PPP1R9A: variants seen among roughly 807,000 people sequenced by gnomAD.
The protein encoded by PPP1R9A is neurabin-1.
A neutral mutation model predicts 141.9 loss-of-function variants in PPP1R9A; 59 were observed. That is an observed-to-expected ratio of 0.42 (90% CI 0.34 to 0.52). The LOEUF (loss-of-function observed/expected upper bound fraction) is 0.52. Among genes scored for constraint, PPP1R9A ranks in the 20% least tolerant of loss-of-function variants. The probability of loss-of-function intolerance (pLI) is 0.10; values close to 1 mark genes in which losing one functional copy is unlikely to be tolerated. For missense variants in PPP1R9A, 1,444 were observed against 1,611.9 expected (o/e 0.90, Z 1.78); for synonymous variants, 500 against 569.7 (o/e 0.88, Z 1.74).
At chr7:95,237,175 A>G (rs1796806010) in intron 8 of PPP1R9A, among the ~76,000 whole-genome samples, 1 of 137,556 alleles carries the variant, frequency 7.3e-6, no homozygotes, top group African/African-American at 2.9e-5. Context: ...GTATATATAT[A>G]TATATTTTTT....
At chr7:95,215,563 G>A (rs1196807859) in intron 7 of PPP1R9A, among the ~76,000 whole-genome samples, 2 of 152,106 alleles carry the variant, frequency 1.3e-5, no homozygotes, top group African/African-American at 4.8e-5. Flanking sequence ...TTCCACAATG[G>A]TTGAACTAGT....
chr7:95,053,970 A>G (rs1811149203), intron 2 of PPP1R9A, among the ~76,000 whole-genome samples: 3 of 152,240 alleles, frequency 2.0e-5, no homozygotes, highest in Admixed American at 2.0e-4. Context: ...GTTTAGCCTA[A>G]AAAGAAAGAA....
chr7:95,242,671 T>G (rs1585421355), intron 8 of PPP1R9A, among the ~76,000 whole-genome samples: 1 of 152,164 alleles, frequency 6.6e-6, no homozygotes, highest in South Asian at 2.1e-4. Context: ...AATGTGTATG[T>G]TTATTTGTGC....
At chr7:95,066,488 G>A (rs1306560829) in intron 2 of PPP1R9A, among the ~76,000 whole-genome samples, 1 of 152,130 alleles carries the variant, frequency 6.6e-6, no homozygotes, top group African/African-American at 2.4e-5. Context: ...AATGTAGGAA[G>A]GAGAAGTAAA....
chr7:95,003,100 C>CT (rs1269587692), intron 2 of PPP1R9A, among the ~76,000 whole-genome samples: 1 of 151,946 alleles, frequency 6.6e-6, no homozygotes, highest in Non-Finnish European at 1.5e-5. Context: ...TAAAAAAAAG[C>CT]TTTTTAAAAA....
chr7:94,992,859 A>G (rs1801690674), intron 2 of PPP1R9A, among the ~76,000 whole-genome samples: 1 of 152,112 alleles, frequency 6.6e-6, no homozygotes, highest in Non-Finnish European at 1.5e-5. Flanking sequence ...TATTCTGAAT[A>G]TAAGTAATAT....
At chr7:95,101,685 C>T (rs978693213) in intron 2 of PPP1R9A, among the ~76,000 whole-genome samples, 1 of 152,112 alleles carries the variant, frequency 6.6e-6, no homozygotes, top group African/African-American at 2.4e-5. Flanking sequence ...TACTGCTTAG[C>T]GGCACTAACA....
At chr7:95,267,763 G>T (rs1286382227) in intron 12 of PPP1R9A, among the ~76,000 whole-genome samples, 1 of 151,990 alleles carries the variant, frequency 6.6e-6, no homozygotes, top group East Asian at 1.9e-4. Flanking sequence ...GGGAGAGAAG[G>T]TATTCACAGA....
intron 7 of PPP1R9A, chr7:95,214,294 G>T (rs1050670008): frequency 6.6e-6 from 1 of 152,194 alleles, no homozygotes; most frequent in Non-Finnish European, 1.5e-5. Context: ...ACTGGGAGAG[G>T]ATCTGCGTCC....
intron 2 of PPP1R9A, among the ~76,000 whole-genome samples, chr7:95,083,047 G>T (rs540976876): frequency 1.3e-5 from 2 of 151,828 alleles, no homozygotes; most frequent in East Asian, 3.9e-4. Flanking sequence ...GAGCCACTGC[G>T]CCCAGCCGGG....
chr7:95,109,996 G>A (rs1820268511), intron 2 of PPP1R9A, among the ~76,000 whole-genome samples: 1 of 152,236 alleles, frequency 6.6e-6, no homozygotes, highest in Non-Finnish European at 1.5e-5. Context: ...AAGAAACATG[G>A]TAGAGACCAA....
intron 2 of PPP1R9A, among the ~76,000 whole-genome samples, chr7:94,948,917 A>G (rs765755914): frequency 1.2e-4 from 18 of 152,100 alleles, no homozygotes; most frequent in Non-Finnish European, 2.1e-4. Flanking sequence ...CACTACGCCA[A>G]AACCCTGGGG....
chr7:94,948,435 TG>T (rs1331850856), intron 2 of PPP1R9A, among the ~76,000 whole-genome samples: 1 of 152,120 alleles, frequency 6.6e-6, no homozygotes, highest in Non-Finnish European at 1.5e-5. Flanking sequence ...GGTTTCTATT[TG>T]GGTATCCTCT....
At chr7:94,986,548 C>T (rs1234693726) in intron 2 of PPP1R9A, among the ~76,000 whole-genome samples, 1 of 152,058 alleles carries the variant, frequency 6.6e-6, no homozygotes, top group Non-Finnish European at 1.5e-5. Context: ...CAGTGTTGTA[C>T]AGCAATGTAG....
intron 17 of PPP1R9A, among the ~76,000 whole-genome samples, chr7:95,285,021 T>C (rs948068879): frequency 2.0e-5 from 3 of 152,230 alleles, no homozygotes; most frequent in African/African-American, 7.2e-5. Flanking sequence ...GGGTTTTGAC[T>C]GGGGTACCAA....
intron 2 of PPP1R9A, among the ~76,000 whole-genome samples, chr7:95,049,422 GAAAGT>G (rs1401514703): frequency 1.3e-5 from 2 of 152,202 alleles, no homozygotes; most frequent in African/African-American, 4.8e-5. Context: ...AGATTGAGTG[GAAAGT>G]AAAGAGAGGC....
chr7:95,168,070 C>T (rs1417167002), intron 5 of PPP1R9A, among the ~76,000 whole-genome samples: 1 of 151,950 alleles, frequency 6.6e-6, no homozygotes, highest in Non-Finnish European at 1.5e-5. Context: ...AAACCAAGTA[C>T]GGCTCAAATA....
chr7:95,024,611 T>G (rs1806531913), intron 2 of PPP1R9A, among the ~76,000 whole-genome samples: 1 of 152,150 alleles, frequency 6.6e-6, no homozygotes, highest in South Asian at 2.1e-4. Flanking sequence ...TGCTTTTTTT[T>G]TGTTTTCCAT....
At chr7:95,222,124 A>G (rs1213922767) in intron 7 of PPP1R9A, among the ~76,000 whole-genome samples, 1 of 152,102 alleles carries the variant, frequency 6.6e-6, no homozygotes, top group Non-Finnish European at 1.5e-5. Context: ...TTTGGAGCCC[A>G]CTATACAGAG....
Sources: allele counts gnomAD v4.1 joint callset (sites outside exome capture counted in the v4.1 genomes callset), GRCh38; gene constraint gnomAD v4.1.1; transcripts MANE v1.5; gene names NCBI Gene and HGNC (gene_info 2026-07-23, HGNC 2026-07-21).